The following CLIP1 variants were observed in gnomAD, a reference collection of about 807,000 sequenced individuals.
CLIP1 encodes the protein CAP-Gly domain containing linker protein 1.
Under a neutral mutation model 161.6 loss-of-function variants are expected in CLIP1, and 66 were observed. The ratio of observed to expected loss-of-function variants is 0.41; its 90% CI spans 0.33 to 0.50. The LOEUF (loss-of-function observed/expected upper bound fraction) is 0.50. Among genes scored for constraint, CLIP1 ranks in the 20% least tolerant of loss-of-function variants. The probability of loss-of-function intolerance (pLI) is 0.27; values close to 1 mark genes in which losing one functional copy is unlikely to be tolerated. For synonymous variants in CLIP1, 598 were observed against 626.2 expected (o/e 0.96, Z 0.67); for missense variants, 1,376 against 1,702.0 (o/e 0.81, Z 3.37).
At chr12:122,422,304 G>C (rs887547633) in intron 1 of CLIP1, among the ~76,000 whole-genome samples, 4 of 151,784 alleles carry the variant, frequency 2.6e-5, no homozygotes, top group African/African-American at 4.8e-5. Flanking sequence ...TTCCAGCTCC[G>C]GAGGAGCCCC....
In CLIP1 at chr12:122,279,150, A is replaced by G. The variant is rs139849947; in HGVS notation, c.3648-5T>C. 6.3e-7 allele frequency: 1 copy of G among 1,596,456 alleles called. No homozygotes were observed. Among genetic ancestry groups the G allele is most frequent in the East Asian group, 2.2e-5 (1 of 44,746 alleles). On this transcript the variant is annotated splice_polypyrimidine_tract_variant and splice_region_variant and intron_variant, in intron 21 of 25. Transcript: ENST00000620786. The surrounding 1 kb of genome is among the most constrained non-coding windows in gnomAD (Gnocchi z 4.5). The stretch of plus-strand genomic sequence containing the variant: ...TCTTTTATGAACTTGGATTCTCTAA[A>G]AGACCAAAGAGTTAAAAGTTCCACA...
intron 3 of CLIP1, chr12:122,364,834 C>CT: frequency 1.0e-6 from 1 of 987,832 alleles, no homozygotes; most frequent in Non-Finnish European, 1.6e-6. Context: ...TTCTCTAGGC[C>CT]TTTTAGAAAA....
In CLIP1 at chr12:122,309,893, A is replaced by G. The variant is rs967898919; in HGVS notation, c.3474-11T>C. 2 of 1,613,802 alleles carry G rather than the reference A, an allele frequency of 1.2e-6. No individual in the cohort carries two copies. On this transcript the variant is annotated splice_polypyrimidine_tract_variant and intron_variant, in intron 19 of 25. Transcript: ENST00000620786. ...TGCTTTAGGGTTTCTCTGCAAGGAC[A>G]GTGAGTGCAGGGTTACCATAGAAAC...
At chr12:122,356,978 C>T (rs987068232) in intron 5 of CLIP1, among the ~76,000 whole-genome samples, 5 of 152,276 alleles carry the variant, frequency 3.3e-5, no homozygotes, top group Admixed American at 2.0e-4. Flanking sequence ...AGCGTGATCT[C>T]GGCTCGCTAC....
rs1953260419 is a variant in CLIP1, at chr12:122,355,033, G to A, written c.1203+82C>T. On this transcript the variant is annotated intron_variant, in intron 6 of 25. Coordinates refer to ENST00000620786, the MANE Select transcript of CLIP1 (RefSeq NM_001247997.2). This position sits in a 1 kb window ranked among gnomAD's most constrained non-coding sequence, Gnocchi z 4.1. ...TTGTGCTCTCAAGTCTAGCTCCTCGGTGCCAAGCACCGGGCATGCTTCTCG... is the reference window on the plus strand; with the variant it reads ...TTGTGCTCTCAAGTCTAGCTCCTCGATGCCAAGCACCGGGCATGCTTCTCG... 7.9e-7 allele frequency: 1 copy of A among 1,269,672 alleles called. No homozygotes were observed. Among genetic ancestry groups the A allele is most frequent in the Non-Finnish European group, 1.1e-6 (1 of 891,368 alleles). 78.7% of individuals were successfully genotyped at this position (1,269,672 alleles called of 1,614,324 possible).
rs546569199 is a variant in CLIP1 at position 122,338,014 on chromosome 12, C to CAA, written c.2452-1268_2452-1267dup. Among the ~76,000 whole-genome samples, 298 of 111,162 alleles carry CAA rather than the reference C, an allele frequency of 2.7e-3. 2 individuals are homozygous for CAA. Among genetic ancestry groups the CAA allele is most frequent in the South Asian group, 0.015 (53 of 3,540 alleles). The allele number at this position is 111,162 out of a possible 152,430, so 72.9% of individuals were successfully genotyped here. A position where few individuals can be genotyped will look rare whatever the true frequency, so the allele number is the denominator to read the frequency against. On this transcript the variant is annotated intron_variant, in intron 11 of 25. Transcript: ENST00000620786. ...TGGGCCACAGAGCGAGACTCTGTCT[C>CAA]AAAAAAAAAAAAAACAAAACCAAAA...
intron 20 of CLIP1, among the ~76,000 whole-genome samples, chr12:122,291,322 G>A (rs574521824): frequency 1.3e-5 from 2 of 150,978 alleles, no homozygotes; most frequent in African/African-American, 4.9e-5. Flanking sequence ...CCCAAAGAGT[G>A]GGGATTACAG....
intron 5 of CLIP1, chr12:122,360,720 A>C (rs1953736535): frequency 4.3e-6 from 2 of 461,436 alleles, no homozygotes; most frequent in Non-Finnish European, 7.7e-6. Flanking sequence ...GAACACATGC[A>C]TTTTTAAGCT....
intron 1 of CLIP1, among the ~76,000 whole-genome samples, chr12:122,409,385 C>T (rs982933051): frequency 2.6e-5 from 4 of 151,910 alleles, no homozygotes; most frequent in Admixed American, 6.6e-5. Context: ...CTTGGCTTCC[C>T]AAAGTGCTGG....
intron 1 of CLIP1, among the ~76,000 whole-genome samples, chr12:122,409,459 T>G (rs1956447954): frequency 6.6e-6 from 1 of 152,108 alleles, no homozygotes. Context: ...CTAAATTTAC[T>G]CACAAATCCA....
At chr12:122,360,624 T>G (rs1470200211) in intron 5 of CLIP1, among the ~76,000 whole-genome samples, 1 of 152,078 alleles carries the variant, frequency 6.6e-6, no homozygotes, top group East Asian at 1.9e-4. Flanking sequence ...CTCTCCAATG[T>G]TCCTATCATT....
intron 20 of CLIP1, among the ~76,000 whole-genome samples, chr12:122,305,071 CG>C (rs1418482717): frequency 6.6e-6 from 1 of 152,122 alleles, no homozygotes; most frequent in African/African-American, 2.4e-5. Context: ...AATCCCTGTC[CG>C]GTTTCCATAA....
intron 9 of CLIP1, among the ~76,000 whole-genome samples, chr12:122,349,004 T>A (rs77895856): frequency 6.6e-6 from 1 of 152,284 alleles, no homozygotes; most frequent in East Asian, 1.9e-4. Flanking sequence ...AAAATTTTTT[T>A]TAATTCATCA....
chr12:122,389,544 A>T (rs1955490845), intron 1 of CLIP1, among the ~76,000 whole-genome samples: 1 of 152,056 alleles, frequency 6.6e-6, no homozygotes, highest in Non-Finnish European at 1.5e-5. Flanking sequence ...GGATCACTTG[A>T]GGTTAGGTGT....
At chr12:122,333,937 A>T in intron 14 of CLIP1, 90 bp downstream of exon 14, 1 of 767,490 alleles carries the variant, frequency 1.3e-6, no homozygotes, top group Non-Finnish European at 2.3e-6. Flanking sequence ...ATGCCTGAAT[A>T]GTACATTTGT....
At chr12:122,317,042 C>T (rs771277666) in intron 18 of CLIP1, among the ~76,000 whole-genome samples, 187 bp from the exon 19 acceptor site, 1 of 140,938 alleles carries the variant, frequency 7.1e-6, no homozygotes, top group Non-Finnish European at 1.5e-5. Context: ...CTCCTCCTTA[C>T]ATTTAGTCTG....
chr12:122,334,808 G>T (rs766796074), intron 12 of CLIP1, 103 bp from the exon 13 acceptor site: 25 of 748,500 alleles, frequency 3.3e-5, no homozygotes, highest in Admixed American at 1.1e-4. Context: ...TTTTGTTGCT[G>T]GTCTTGTTTT....
chr12:122,354,241 A>G lies in CLIP1; in HGVS notation c.1307+212T>C, dbSNP rs372177726. 2.0e-5 allele frequency among the ~76,000 whole-genome samples: 3 copies of G among 151,900 alleles called. No homozygotes were observed. In the East Asian group the frequency reaches 5.8e-4, roughly 29 times the overall value. On this transcript the variant is annotated intron_variant, in intron 7 of 25. Transcript: ENST00000620786. ...GAAACTCCATCTCTACTAAAATACA[A>G]AAAATTAGCCAGGCGTGGTGGCACA...
rs767511709 is a variant in CLIP1, at chr12:122,323,877, T to C, written c.3249+4070A>G. On this transcript the variant is annotated intron_variant, in intron 17 of 25. Coordinates refer to ENST00000620786, the MANE Select transcript of CLIP1 (RefSeq NM_001247997.2). The surrounding 1 kb of genome is among the most constrained non-coding windows in gnomAD (Gnocchi z 4.1). The stretch of plus-strand genomic sequence containing the variant: ...AAGATGAAGTTTTCGGTAATAAGTT[T>C]CTTGATCTGGTCCTCCAGGTGATCT... The C allele has an allele frequency of 6.6e-6, 1 of 152,652 alleles. No individual in the cohort carries two copies. 9.5% of individuals were successfully genotyped at this position (152,652 alleles called of 1,614,324 possible).
Sources: allele counts gnomAD v4.1 joint callset (sites outside exome capture counted in the v4.1 genomes callset), GRCh38; gene constraint gnomAD v4.1.1; non-coding constraint Gnocchi (gnomAD v3.1); transcripts MANE v1.5; gene names NCBI Gene and HGNC (gene_info 2026-07-23, HGNC 2026-07-21).